IL13: variants seen among roughly 807,000 people sequenced by gnomAD.
IL13 encodes interleukin-13.
IL13 carries 9 observed loss-of-function variants against 11.1 expected under a neutral mutation model. The observed-to-expected ratio is 0.81, with a 90% confidence interval of 0.49 to 1.42. The LOEUF (loss-of-function observed/expected upper bound fraction) is 1.42. Ranked by LOEUF, IL13 falls within the 40% of genes most tolerant of loss-of-function variation. The pLI is 0.00. For synonymous variants in IL13, 75 were observed against 76.9 expected (o/e 0.97, Z 0.13); for missense variants, 181 against 182.5 (o/e 0.99, Z 0.05).
Position 132,658,502 on chromosome 5 carries a change from C to G in IL13, c.174+142C>G, listed in dbSNP as rs1284266981. The G allele has an allele frequency of 4.1e-5, 24 of 581,894 alleles. No homozygotes were observed. The East Asian group carries it at 7.0e-4, about 17-fold the overall frequency. The allele number at this position is 581,894 out of a possible 1,614,324, so 36.0% of individuals were successfully genotyped here. On this transcript the variant is annotated intron_variant, in intron 1 of 3. Transcript: ENST00000304506. Reference sequence around the variant, plus strand: ...TCCATGGACCAAGGCCCGGCCCAGCCATGAGGGAGAGAGGAGCTGGGCTGG... The same window carrying G: ...TCCATGGACCAAGGCCCGGCCCAGCGATGAGGGAGAGAGGAGCTGGGCTGG...
chr5:132,657,513 CA>C (rs986414149), upstream of IL13, among the ~76,000 whole-genome samples: 1 of 151,876 alleles, frequency 6.6e-6, no homozygotes, highest in African/African-American at 2.4e-5. Flanking sequence ...CAAAACAAAA[CA>C]AAAAAACACC....
chr5:132,659,401 T>C lies in IL13; in HGVS notation c.175-17T>C. 1.3e-6 allele frequency: 2 copies of C among 1,595,964 alleles called. No individual in the cohort carries two copies. The highest frequency in any genetic ancestry group is 1.7e-6 in the Non-Finnish European group (2 of 1,168,794). ...ACCCCTGCCAGCACTCTGCTCACTGTCACTTTGCTCCCACAGGCTCCGCTC... is the reference window on the plus strand; with the variant it reads ...ACCCCTGCCAGCACTCTGCTCACTGCCACTTTGCTCCCACAGGCTCCGCTC... On this transcript the variant is annotated splice_polypyrimidine_tract_variant and intron_variant, in intron 1 of 3. Transcript: ENST00000304506. The surrounding 1 kb of genome is among the most constrained non-coding windows in gnomAD (Gnocchi z 4.1).
intron 1 of IL13, 100 bp downstream of exon 1, chr5:132,658,460 G>A (rs1361089062): frequency 5.9e-6 from 4 of 674,370 alleles, no homozygotes; most frequent in African/African-American, 3.6e-5. Flanking sequence ...TAAGATGCCT[G>A]TAGGTCAGGA....
chr5:132,658,249 G>T lies in IL13; in HGVS notation c.63G>T (p.Thr21=). Residue 21 remains threonine, a synonymous_variant, in exon 1 of 4, where the codon ACG becomes ACT. Coordinates refer to ENST00000304506, the MANE Select transcript of IL13 (RefSeq NM_002188.3). ...GCCTCATGGCGCTTTTGTTGACCAC[G>T]GTCATTGCTCTCACTTGCCTTGGCG... ...ALGLMALLLT[T]VIALTCLGGF... The T allele has an allele frequency of 1.2e-6, 2 of 1,610,442 alleles. No homozygotes were observed. The highest frequency in any genetic ancestry group is 2.2e-5 in the East Asian group (1 of 44,864).
At chr5:132,658,407 G>A (rs1228193640) in intron 1 of IL13, 47 bp downstream of exon 1, 1 of 1,216,464 alleles carries the variant, frequency 8.2e-7, no homozygotes, top group East Asian at 2.4e-5. Flanking sequence ...CTCCAGGGTG[G>A]GTGATTCCCA....
upstream of IL13, chr5:132,656,683 G>C (rs1752038283): frequency 6.6e-6 from 1 of 152,552 alleles, no homozygotes; most frequent in Non-Finnish European, 1.5e-5. Context: ...GATGCCGTGG[G>C]CCCTCTACTA....
rs112896241 is a variant in IL13 at position 132,658,412 on chromosome 5, T to C, written c.174+52T>C. 575 of 1,135,316 alleles carry C rather than the reference T, an allele frequency of 5.1e-4. 5 individuals carry two copies. In the African/African-American group the frequency reaches 7.4e-3, roughly 15 times the overall value. The allele number at this position is 1,135,316 out of a possible 1,614,324, so 70.3% of individuals were successfully genotyped here. A position where few individuals can be genotyped will look rare whatever the true frequency, so the allele number is the denominator to read the frequency against. ...GCTATGAGGGCTCCAGGGTGGGTGA[T>C]TCCCAAGATGAGGTCATGAGCAGGC... On this transcript the variant is annotated intron_variant, in intron 1 of 3. Coordinates refer to ENST00000304506, the MANE Select transcript of IL13 (RefSeq NM_002188.3).
chr5:132,659,678 C>A lies in IL13; in HGVS notation c.229-46C>A. ...CATCTTCCTGCAGACTCACAAAAGG[C>A]AGCTGCCCAAGCAGGGCCTGACCCC... On this transcript the variant is annotated intron_variant, in intron 2 of 3. Coordinates refer to ENST00000304506, the MANE Select transcript of IL13 (RefSeq NM_002188.3). This position sits in a 1 kb window ranked among gnomAD's most constrained non-coding sequence, Gnocchi z 4.1. The A allele has an allele frequency of 6.2e-7, 1 of 1,604,510 alleles. No homozygotes were observed. Among genetic ancestry groups the A allele is most frequent in the Non-Finnish European group, 8.5e-7 (1 of 1,173,204 alleles).
intron 1 of IL13, 64 bp downstream of exon 1, chr5:132,658,424 G>C: frequency 4.0e-6 from 4 of 997,266 alleles, no homozygotes; most frequent in Non-Finnish European, 6.0e-6. Context: ...CCCAAGATGA[G>C]GTCATGAGCA....
At position 132,660,246 on chromosome 5, in the gene IL13, T is replaced by A; in HGVS notation, c.405T>A (p.His135Gln). ...AGTTTGTAAAGGACCTGCTCTTACA[T>A]TTAAAGAAACTTTTTCGCGAGGGAC... is the stretch of plus-strand genomic sequence containing the variant. ...VAQFVKDLLL[H>Q]LKKLFREGQF... is the part of the protein sequence containing the mutation. The change falls in exon 4 of 4, where the codon CAT becomes CAA. Residue 135 changes from histidine (H) to glutamine (Q), a missense_variant. By Grantham distance (24) the His-to-Gln change is conservative (BLOSUM62 0). Transcript: ENST00000304506. The A allele has an allele frequency of 2.5e-6, 4 of 1,614,162 alleles. No homozygotes were observed. Among genetic ancestry groups the A allele is most frequent in the Non-Finnish European group, 3.4e-6 (4 of 1,180,000 alleles).
chr5:132,657,400 C>G (rs55950976), upstream of IL13, among the ~76,000 whole-genome samples: 3 of 152,176 alleles, frequency 2.0e-5, no homozygotes, highest in Non-Finnish European at 4.4e-5. Flanking sequence ...CACACTACTT[C>G]CAGCCACTCT....
At position 132,658,334 on chromosome 5, in the gene IL13, C is replaced by A. The variant is rs773714921; in HGVS notation, c.148C>A (p.Leu50Met). The change falls in exon 1 of 4, where the codon CTG (leucine) becomes ATG (methionine). Residue 50 changes from leucine (L) to methionine (M), a missense_variant. Leu to Met is a conservative substitution (Grantham distance 15, BLOSUM62 2). Transcript: ENST00000304506. ...AGCCCTCAGGGAGCTCATTGAGGAGCTGGTCAACATCACCCAGAACCAGAA... is the reference window on the plus strand; with the variant it reads ...AGCCCTCAGGGAGCTCATTGAGGAGATGGTCAACATCACCCAGAACCAGAA... Reference protein sequence around the residue: ...STALRELIEELVNITQNQKAP... With the variant: ...STALRELIEEMVNITQNQKAP... The A allele has an allele frequency of 3.1e-6, 5 of 1,610,904 alleles. No homozygotes were observed. Among genetic ancestry groups the A allele is most frequent in the South Asian group, 1.1e-5 (1 of 90,812 alleles).
rs140196099 is a variant in IL13 at position 132,660,214 on chromosome 5, G to C, written c.373G>C (p.Val125Leu). The C allele has an allele frequency of 6.2e-6, 10 of 1,614,064 alleles. No homozygotes were observed. The highest frequency in any genetic ancestry group is 8.5e-6 in the Non-Finnish European group (10 of 1,180,044). ...SLHVRDTKIEVAQFVKDLLLH... is the reference protein window; with the variant it reads ...SLHVRDTKIELAQFVKDLLLH... ...GCATGTCCGAGACACCAAAATCGAGGTGGCCCAGTTTGTAAAGGACCTGCT... is the reference window on the plus strand; with the variant it reads ...GCATGTCCGAGACACCAAAATCGAGCTGGCCCAGTTTGTAAAGGACCTGCT... The change falls in exon 4 of 4, where the codon GTG (valine) becomes CTG (leucine). Residue 125 changes from valine (V) to leucine (L), a missense_variant. Val to Leu is a conservative substitution (Grantham distance 32). Transcript: ENST00000304506.
In IL13 at chr5:132,660,762, A is replaced by G; in HGVS notation, c.*480A>G. The stretch of plus-strand genomic sequence containing the variant: ...GAAGACTGTGGCTGCTAGCACTTGG[A>G]GCCAAGGGTTCAGAGACTCAGGGCC... On this transcript the variant is annotated 3_prime_UTR_variant, in exon 4 of 4. Transcript: ENST00000304506. 1 of 166,876 alleles carries G rather than the reference A, an allele frequency of 6.0e-6. No individual in the cohort carries two copies. The highest frequency in any genetic ancestry group is 1.3e-5 in the Non-Finnish European group (1 of 75,476). 10.3% of individuals were successfully genotyped at this position (166,876 alleles called of 1,614,324 possible).
In IL13 at chr5:132,660,395, AG is replaced by A; in HGVS notation, c.*117del. 1 of 1,468,124 alleles carries A rather than the reference AG, an allele frequency of 6.8e-7. No individual in the cohort carries two copies. The highest frequency in any genetic ancestry group is 9.0e-7 in the Non-Finnish European group (1 of 1,108,532). 90.9% of individuals were successfully genotyped at this position (1,468,124 alleles called of 1,614,324 possible). ...GGGTAGGCGGGAAGGAGGGTTAGGGAGGGGTAAAATTCCTTAGCTTAGACCT... is the reference window on the plus strand; with the variant it reads ...GGGTAGGCGGGAAGGAGGGTTAGGGAGGGTAAAATTCCTTAGCTTAGACCT... On this transcript the variant is annotated 3_prime_UTR_variant, in exon 4 of 4. Coordinates refer to ENST00000304506, the MANE Select transcript of IL13 (RefSeq NM_002188.3).
rs1385424857 is a variant in IL13, at chr5:132,659,775, G to A, written c.280G>A (p.Glu94Lys). 11 of 1,613,852 alleles carry A rather than the reference G, an allele frequency of 6.8e-6. No homozygotes were observed. Among genetic ancestry groups the A allele is most frequent in the East Asian group, 2.2e-5 (1 of 44,886 alleles). ...CAACGTGTCAGGCTGCAGTGCCATC[G>A]AGAAGACCCAGAGGATGCTGAGCGG... ...LINVSGCSAI[E>K]KTQRMLSGFC... The change falls in exon 3 of 4, where the codon GAG (glutamate) becomes AAG (lysine). Residue 94 changes from glutamate to lysine, a missense_variant. By Grantham distance (56) the Glu-to-Lys change is moderately conservative. Coordinates refer to ENST00000304506, the MANE Select transcript of IL13 (RefSeq NM_002188.3). The surrounding 1 kb of genome is among the most constrained non-coding windows in gnomAD (Gnocchi z 4.1).
At position 132,659,891 on chromosome 5, in the gene IL13, T is replaced by G; in HGVS notation, c.333+63T>G. The G allele has an allele frequency of 6.3e-7, 1 of 1,583,132 alleles. No individual in the cohort carries two copies. The highest frequency in any genetic ancestry group is 8.6e-7 in the Non-Finnish European group (1 of 1,165,306). On this transcript the variant is annotated intron_variant, in intron 3 of 3. Transcript: ENST00000304506. The surrounding 1 kb of genome is among the most constrained non-coding windows in gnomAD (Gnocchi z 4.1). ...CCCCTCCTGCCAACCCTGGGCTCGCTGAAGGGAAGCTGGCTGAATATCCAT... is the reference window on the plus strand; with the variant it reads ...CCCCTCCTGCCAACCCTGGGCTCGCGGAAGGGAAGCTGGCTGAATATCCAT...
Position 132,658,341 on chromosome 5 carries a change from A to G in IL13, c.155A>G (p.Asn52Ser). ...ALRELIEELV[N>S]ITQNQKAPLC... ...AGGGAGCTCATTGAGGAGCTGGTCA[A>G]CATCACCCAGAACCAGAAGGTGAGT... Residue 52 changes from asparagine (N) to serine (S), a missense_variant, in exon 1 of 4, where the codon AAC (asparagine) becomes AGC (serine). Asn to Ser is a conservative substitution (Grantham distance 46). Transcript: ENST00000304506. The G allele has an allele frequency of 6.2e-7, 1 of 1,610,406 alleles. No individual in the cohort carries two copies. The highest frequency in any genetic ancestry group is 8.5e-7 in the Non-Finnish European group (1 of 1,177,208).
Position 132,660,251 on chromosome 5 carries a change from A to G in IL13, c.410A>G (p.Lys137Arg). ...GTAAAGGACCTGCTCTTACATTTAA[A>G]GAAACTTTTTCGCGAGGGACAGTTC... ...QFVKDLLLHL[K>R]KLFREGQFN Residue 137 changes from lysine (K) to arginine (R), a missense_variant, in exon 4 of 4, where the codon AAG becomes AGG. Coordinates refer to ENST00000304506, the MANE Select transcript of IL13 (RefSeq NM_002188.3). 6.2e-7 allele frequency: 1 copy of G among 1,614,170 alleles called. No homozygotes were observed. The highest frequency in any genetic ancestry group is 1.3e-5 in the African/African-American group (1 of 75,074).
Sources: gnomAD v4.1 joint callset for allele counts (sites outside exome capture counted in the v4.1 genomes callset) on GRCh38, gnomAD v4.1.1 for gene constraint, Gnocchi (gnomAD v3.1) non-coding constraint, MANE v1.5 for transcripts, NCBI Gene and HGNC (gene_info 2026-07-23, HGNC 2026-07-21) for gene names.